The following CACNA1D variants were observed in gnomAD, a reference collection of about 807,000 sequenced individuals.
The protein encoded by CACNA1D is voltage-dependent L-type calcium channel subunit alpha-1D.
Under a neutral mutation model 257.1 loss-of-function variants are expected in CACNA1D, and 55 were observed. The ratio of observed to expected loss-of-function variants is 0.21; its 90% CI spans 0.17 to 0.27. CACNA1D has a LOEUF of 0.27. Among genes scored for constraint, CACNA1D ranks in the 10% least tolerant of loss-of-function variants. The pLI is 1.00. For missense variants in CACNA1D, 1,876 were observed against 2,784.0 expected (o/e 0.67, Z 7.34); for synonymous variants, 980 against 1,014.9 (o/e 0.97, Z 0.65).
chr3:53,704,223 G>T (rs1351882910), intron 9 of CACNA1D, among the ~76,000 whole-genome samples: 1 of 152,056 alleles, frequency 6.6e-6, no homozygotes, highest in South Asian at 2.1e-4. Flanking sequence ...TGACTGAGAG[G>T]GCCCTTACCT....
At chr3:53,606,401 A>G (rs1228268313) in intron 3 of CACNA1D, among the ~76,000 whole-genome samples, 1 of 152,238 alleles carries the variant, frequency 6.6e-6, no homozygotes, top group Non-Finnish European at 1.5e-5. Flanking sequence ...AGCAAATGTG[A>G]CAACATGAAT....
chr3:53,702,421 G>A (rs1304557815), intron 8 of CACNA1D, among the ~76,000 whole-genome samples: 1 of 152,216 alleles, frequency 6.6e-6, no homozygotes, highest in Non-Finnish European at 1.5e-5. Flanking sequence ...AATGATGCAT[G>A]TGTGTTGGTG....
chr3:53,755,481 C>T (rs949965930), intron 29 of CACNA1D, among the ~76,000 whole-genome samples: 5 of 152,146 alleles, frequency 3.3e-5, no homozygotes, highest in East Asian at 3.9e-4. Flanking sequence ...TTCAGTAGCG[C>T]GTGAACAGAT....
At chr3:53,528,017 A>G (rs1042688929) in intron 3 of CACNA1D, among the ~76,000 whole-genome samples, 1 of 152,252 alleles carries the variant, frequency 6.6e-6, no homozygotes, top group African/African-American at 2.4e-5. Context: ...AATGTTGGAG[A>G]GAAATCTAGT....
chr3:53,712,036 A>G (rs973256839), intron 9 of CACNA1D, among the ~76,000 whole-genome samples: 1 of 152,250 alleles, frequency 6.6e-6, no homozygotes, highest in Admixed American at 6.5e-5. Context: ...GACATAAGAA[A>G]AAACATCTTT....
At chr3:53,753,853 A>G (rs1257670611) in intron 29 of CACNA1D, among the ~76,000 whole-genome samples, 171 bp downstream of exon 29, 1 of 152,268 alleles carries the variant, frequency 6.6e-6, no homozygotes. Context: ...ATATGGGAAA[A>G]TGAATCTGCA....
At chr3:53,652,881 A>T (rs2094111353) in intron 4 of CACNA1D, among the ~76,000 whole-genome samples, 1 of 152,266 alleles carries the variant, frequency 6.6e-6, no homozygotes, top group African/African-American at 2.4e-5. Context: ...TTACAGAAAA[A>T]GTTTGCCAAT....
intron 21 of CACNA1D, 46 bp downstream of exon 21, chr3:53,740,385 C>A: frequency 7.9e-7 from 1 of 1,261,960 alleles, no homozygotes; most frequent in Non-Finnish European, 1.2e-6. Context: ...GCAGCTGGAG[C>A]AATAATAGTT....
At chr3:53,714,583 A>C (rs985298522) in intron 9 of CACNA1D, among the ~76,000 whole-genome samples, 3 of 152,246 alleles carry the variant, frequency 2.0e-5, no homozygotes, top group Non-Finnish European at 2.9e-5. Context: ...AATAAAGGTC[A>C]TCAGAATAGT....
intron 8 of CACNA1D, among the ~76,000 whole-genome samples, chr3:53,699,218 G>A (rs1576389690): frequency 1.3e-5 from 2 of 152,282 alleles, no homozygotes; most frequent in South Asian, 4.1e-4. Flanking sequence ...GGACCCATGT[G>A]TCCTTCTATG....
intron 3 of CACNA1D, among the ~76,000 whole-genome samples, chr3:53,530,112 G>T (rs1263856803): frequency 6.6e-6 from 1 of 152,246 alleles, no homozygotes; most frequent in South Asian, 2.1e-4. Flanking sequence ...TTAAAAGAAG[G>T]GTTATAAATT....
At chr3:53,667,320 T>C (rs774971706) in intron 7 of CACNA1D, among the ~76,000 whole-genome samples, 1 of 140,438 alleles carries the variant, frequency 7.1e-6, no homozygotes, top group Non-Finnish European at 1.5e-5. Flanking sequence ...TTCCCAGGGC[T>C]GAGTTTGTTA....
At chr3:53,628,898 A>G (rs189211360) in intron 3 of CACNA1D, among the ~76,000 whole-genome samples, 1 of 152,376 alleles carries the variant, frequency 6.6e-6, no homozygotes, top group Admixed American at 6.5e-5. Flanking sequence ...TCTTAGAAGA[A>G]GGAACAAGGC....
intron 22 of CACNA1D, among the ~76,000 whole-genome samples, chr3:53,744,477 C>T (rs530669847): frequency 2.0e-5 from 3 of 152,320 alleles, no homozygotes; most frequent in East Asian, 3.9e-4. Flanking sequence ...AAAGAGAGTT[C>T]GTGAGTTGTG....
chr3:53,709,728 G>A (rs780668225), intron 9 of CACNA1D, among the ~76,000 whole-genome samples: 17 of 152,178 alleles, frequency 1.1e-4, no homozygotes, highest in Non-Finnish European at 2.4e-4. Flanking sequence ...CATTTCTCTC[G>A]TGACCTGGTG....
intron 3 of CACNA1D, among the ~76,000 whole-genome samples, chr3:53,618,969 CT>C (rs1222714713): frequency 4.6e-5 from 7 of 152,174 alleles, no homozygotes; most frequent in African/African-American, 1.7e-4. Context: ...GGATGATGCA[CT>C]TGTACCCCTT....
chr3:53,691,785 AAT>A lies in CACNA1D; in HGVS notation c.1221-10847_1221-10846del, dbSNP rs529775499. Among the ~76,000 whole-genome samples, 455 of 95,556 alleles carry A rather than the reference AAT, an allele frequency of 4.8e-3. 1 individual carries two copies. The highest frequency in any genetic ancestry group is 7.8e-3 in the Non-Finnish European group (378 of 48,646). The allele number at this position is 95,556 out of a possible 152,430, so 62.7% of individuals were successfully genotyped here. A position where few individuals can be genotyped will look rare whatever the true frequency, so the allele number is the denominator to read the frequency against. Reference sequence around the variant, plus strand: ...CATATAATATATATATTATATCTATAATATATATATTACATATATAATATATA... The same window carrying A: ...CATATAATATATATATTATATCTATAATATATATTACATATATAATATATA... On this transcript the variant is annotated intron_variant, in intron 8 of 47. Transcript: ENST00000350061.
At chr3:53,498,542 G>A (rs574985222) in intron 2 of CACNA1D, among the ~76,000 whole-genome samples, 6 of 152,264 alleles carry the variant, frequency 3.9e-5, no homozygotes, top group South Asian at 2.1e-4. Context: ...ACTGTCAGGG[G>A]CCTTAGAACA....
In CACNA1D at chr3:53,789,850, C is replaced by A. The variant is rs926256110; in HGVS notation, c.4923+2898C>A. On this transcript the variant is annotated intron_variant, in intron 40 of 47. Transcript: ENST00000350061. The surrounding 1 kb of genome is among the most constrained non-coding windows in gnomAD (Gnocchi z 4.2). ...CACATATACGCACTGTGGTTTTGAA[C>A]CCTGTGGGCTCCATCTGATCTCCCT... Among the ~76,000 whole-genome samples the A allele has an allele frequency of 6.6e-6, 1 of 152,156 alleles. No individual in the cohort carries two copies. Among genetic ancestry groups the A allele is most frequent in the Admixed American group, 6.5e-5 (1 of 15,278 alleles).
Sources: allele counts gnomAD v4.1 joint callset (sites outside exome capture counted in the v4.1 genomes callset), GRCh38; gene constraint gnomAD v4.1.1; non-coding constraint Gnocchi (gnomAD v3.1); transcripts MANE v1.5; gene names NCBI Gene and HGNC (gene_info 2026-07-23, HGNC 2026-07-21).